Variants in HDHD5 observed in about 807,000 individuals in gnomAD.
The protein encoded by HDHD5 is haloacid dehalogenase-like hydrolase domain-containing 5.
Under a neutral mutation model 35.5 loss-of-function variants are expected in HDHD5, and 34 were observed. The observed-to-expected ratio is 0.96, with a 90% CI of 0.73 to 1.28. HDHD5 has a LOEUF of 1.28. Among genes scored for constraint, HDHD5 ranks in the 50% most tolerant of loss-of-function variants. The pLI, the probability that HDHD5 is intolerant of heterozygous loss-of-function variation, is 0.00. For synonymous variants in HDHD5, 248 were observed against 240.6 expected (o/e 1.03, Z -0.29); for missense variants, 589 against 560.2 (o/e 1.05, Z -0.52).
chr22:17,147,726 CCCT>C, intron 3 of HDHD5, among the ~76,000 whole-genome samples: 1 of 146,226 alleles, frequency 6.8e-6, no homozygotes, highest in South Asian at 2.2e-4. Flanking sequence ...ACCTGTGGCG[CCCT>C]CCTGTGAGCT....
chr22:17,163,783 C>A (rs2061876675), upstream of HDHD5, among the ~76,000 whole-genome samples: 2 of 152,194 alleles, frequency 1.3e-5, no homozygotes, highest in Non-Finnish European at 2.9e-5. Context: ...ACAGAAGATA[C>A]ACTGTGGGAA....
At chr22:17,152,232 G>GA (rs1169602194) in intron 1 of HDHD5, among the ~76,000 whole-genome samples, 1 of 152,142 alleles carries the variant, frequency 6.6e-6, no homozygotes, top group Non-Finnish European at 1.5e-5. Flanking sequence ...CTGAACTATA[G>GA]AAAAAAATTT....
upstream of HDHD5, among the ~76,000 whole-genome samples, chr22:17,162,445 A>G (rs1024694081): frequency 3.9e-5 from 6 of 152,222 alleles, no homozygotes; most frequent in African/African-American, 1.4e-4. Flanking sequence ...TGTTCCCCAC[A>G]TGGGCCTGCC....
Position 17,137,641 on chromosome 22 carries a change from GCATGCCT to G in HDHD5, c.*373_*379del. 1 of 194,880 alleles carries G rather than the reference GCATGCCT, an allele frequency of 5.1e-6. No homozygotes were observed. The highest frequency in any genetic ancestry group is 5.5e-5 in the Admixed American group (1 of 18,080). The allele number at this position is 194,880 out of a possible 1,614,324, so 12.1% of individuals were successfully genotyped here. A position where few individuals can be genotyped will look rare whatever the true frequency, so the allele number is the denominator to read the frequency against. ...TGTTAAGACACTCTGCCGACAGGCT[GCATGCCT>G]TCAGTGCCGGCAAAGGCTCTGCACA... On this transcript the variant is annotated 3_prime_UTR_variant, in exon 8 of 8. Transcript: ENST00000336737.
At chr22:17,152,914 CA>C (rs1159219483) in intron 1 of HDHD5, among the ~76,000 whole-genome samples, 2 of 151,960 alleles carry the variant, frequency 1.3e-5, no homozygotes. Flanking sequence ...CAAGCTTGGA[CA>C]ATGACAGCTA....
In HDHD5 at chr22:17,148,452, G is replaced by A; in HGVS notation, c.439C>T (p.Gln147Ter). ...GAGTTAAGACCAAAAGGATACCCCT[G>A]GGCATTTTCCATCACGGGCCCCTGT... ...SGQGPVMENA[Q>*]GLGFRNVVTV... The change falls in exon 3 of 8, where the codon CAG becomes TAG. Residue 147 changes from glutamine to a stop codon, truncating the protein, a stop_gained. Coordinates refer to ENST00000336737, the MANE Select transcript of HDHD5 (RefSeq NM_033070.3). LOFTEE classifies it high-confidence loss of function. 3.7e-6 allele frequency: 6 copies of A among 1,613,380 alleles called. No homozygotes were observed. The highest frequency in any genetic ancestry group is 5.1e-6 in the Non-Finnish European group (6 of 1,179,340).
intron 2 of HDHD5, 82 bp from the exon 3 acceptor site, chr22:17,148,642 A>C: frequency 9.4e-7 from 1 of 1,062,846 alleles, no homozygotes; most frequent in Middle Eastern, 2.1e-4. Flanking sequence ...CAGGTCCTTT[A>C]GCCTAGGGAA....
intron 1 of HDHD5, among the ~76,000 whole-genome samples, chr22:17,151,671 A>T (rs536988850): frequency 1.3e-5 from 2 of 148,520 alleles, no homozygotes; most frequent in African/African-American, 5.0e-5. Context: ...CAGAGGATGC[A>T]GTGAGCCGGG....
intron 2 of HDHD5, 114 bp downstream of exon 2, chr22:17,149,428 C>T (rs1483135764): frequency 1.1e-6 from 1 of 948,694 alleles, no homozygotes; most frequent in Non-Finnish European, 1.6e-6. Flanking sequence ...GTGGCCATGA[C>T]CTAGGACTAG....
chr22:17,141,533 G>A (rs2061601311), intron 5 of HDHD5: 5 of 1,204,940 alleles, frequency 4.1e-6, no homozygotes, highest in Non-Finnish European at 5.2e-6. Flanking sequence ...CTCCTTGCTG[G>A]CTGGGACTCT....
At chr22:17,164,669 A>T (rs1203730128) in intron 1 of HDHD5, among the ~76,000 whole-genome samples, 1 of 152,214 alleles carries the variant, frequency 6.6e-6, no homozygotes, top group Non-Finnish European at 1.5e-5. Context: ...AGTCTCTTAT[A>T]CCACTTCTGC....
chr22:17,146,347 A>C (rs2061662222), intron 3 of HDHD5, among the ~76,000 whole-genome samples: 1 of 146,714 alleles, frequency 6.8e-6, no homozygotes, highest in Admixed American at 6.8e-5. Flanking sequence ...GCCATCGCAC[A>C]CGCTCCACAC....
At chr22:17,151,300 T>C (rs1255842448) in intron 1 of HDHD5, among the ~76,000 whole-genome samples, 4 of 151,568 alleles carry the variant, frequency 2.6e-5, no homozygotes, top group African/African-American at 9.7e-5. Context: ...ACATACAAGA[T>C]GTTCTTCAAT....
intron 3 of HDHD5, among the ~76,000 whole-genome samples, chr22:17,145,955 T>C (rs1224946627): frequency 1.3e-5 from 2 of 152,148 alleles, no homozygotes; most frequent in African/African-American, 2.4e-5. Context: ...TCCATTTTCC[T>C]ATCCTCAATT....
chr22:17,158,982 G>A, intron 1 of HDHD5, 144 bp downstream of exon 1: 1 of 724,888 alleles, frequency 1.4e-6, no homozygotes, highest in Non-Finnish European at 1.8e-6. Context: ...CAGCAAGAAC[G>A]CGATGCACTC....
upstream of HDHD5, among the ~76,000 whole-genome samples, chr22:17,160,125 A>G (rs1409692641): frequency 1.3e-5 from 2 of 152,212 alleles, no homozygotes; most frequent in East Asian, 3.9e-4. Context: ...TGGCCCATTC[A>G]TAGGTATAGC....
upstream of HDHD5, among the ~76,000 whole-genome samples, chr22:17,161,302 T>TAATC (rs1305955622): frequency 6.6e-6 from 1 of 150,500 alleles, no homozygotes; most frequent in Non-Finnish European, 1.5e-5. Flanking sequence ...CTCATGCCTG[T>TAATC]AATCCCAGCA....
chr22:17,157,786 A>C (rs554966501), intron 1 of HDHD5, among the ~76,000 whole-genome samples: 7 of 152,132 alleles, frequency 4.6e-5, no homozygotes, highest in Non-Finnish European at 7.4e-5. Flanking sequence ...AAAATCATAA[A>C]AATAATACAG....
At chr22:17,148,843 T>A (rs2123865384) in intron 2 of HDHD5, among the ~76,000 whole-genome samples, 1 of 152,264 alleles carries the variant, frequency 6.6e-6, no homozygotes, top group Middle Eastern at 3.4e-3. Context: ...TCAGTTTGGA[T>A]TTCCCAAGCC....
Sources: allele counts gnomAD v4.1 joint callset (sites outside exome capture counted in the v4.1 genomes callset), GRCh38; gene constraint gnomAD v4.1.1; transcripts MANE v1.5; gene names NCBI Gene and HGNC (gene_info 2026-07-23, HGNC 2026-07-21).